Variants in PLEK observed in about 807,000 individuals in gnomAD.
PLEK encodes the protein platelet 47 kDa protein.
In PLEK, 25 loss-of-function variants were observed where a neutral mutation model predicts 43.9. That is an observed-to-expected ratio of 0.57 (90% CI 0.41 to 0.79). PLEK has a LOEUF of 0.79. Ranked by LOEUF, PLEK falls within the 30% of genes least tolerant of loss-of-function variation. PLEK has a pLI of 0.00. For missense variants in PLEK, 396 were observed against 413.3 expected (o/e 0.96, Z 0.36); for synonymous variants, 152 against 144.4 (o/e 1.05, Z -0.38).
chr2:68,385,489 A>C (rs1432349669), intron 4 of PLEK, among the ~76,000 whole-genome samples: 1 of 152,194 alleles, frequency 6.6e-6, no homozygotes, highest in Non-Finnish European at 1.5e-5. Context: ...CCTATTTAAA[A>C]ACTTAAAATG....
chr2:68,378,667 A>G (rs529243068), intron 1 of PLEK, among the ~76,000 whole-genome samples: 1 of 152,358 alleles, frequency 6.6e-6, no homozygotes, highest in East Asian at 1.9e-4. Context: ...AAGATACTTA[A>G]TAATACAACC....
rs74687442 is a variant in PLEK at position 68,383,190 on chromosome 2, T to G, written c.472+557T>G. ...CTTAGCCTCTCTGTGCTTCACTTTC[T>G]CTGTCTATTTAGTGGGGATAATCAC... On this transcript the variant is annotated intron_variant, in intron 4 of 8. Transcript: ENST00000234313. Among the ~76,000 whole-genome samples, 1,050 of 152,308 alleles carry G rather than the reference T, an allele frequency of 6.9e-3. 8 individuals carry two copies. Among genetic ancestry groups the G allele is most frequent in the African/African-American group, 0.024 (1,008 of 41,558 alleles).
intron 1 of PLEK, among the ~76,000 whole-genome samples, chr2:68,366,804 C>T (rs1253379830): frequency 6.6e-6 from 1 of 152,180 alleles, no homozygotes; most frequent in Non-Finnish European, 1.5e-5. Flanking sequence ...TTCCTGATCA[C>T]TTGTGCTAGT....
intron 1 of PLEK, among the ~76,000 whole-genome samples, chr2:68,375,653 C>A (rs1485569340): frequency 6.6e-6 from 1 of 152,212 alleles, no homozygotes; most frequent in East Asian, 1.9e-4. Flanking sequence ...AAGTATTTAT[C>A]TTTGCATAAA....
chr2:68,391,114 C>T (rs1673851022), intron 6 of PLEK, among the ~76,000 whole-genome samples: 1 of 152,210 alleles, frequency 6.6e-6, no homozygotes, highest in African/African-American at 2.4e-5. Context: ...AGTAACAATT[C>T]TTGGAAACCT....
chr2:68,368,614 T>C (rs1396090694), intron 1 of PLEK, among the ~76,000 whole-genome samples: 1 of 152,242 alleles, frequency 6.6e-6, no homozygotes, highest in African/African-American at 2.4e-5. Flanking sequence ...CTTTCCTCTC[T>C]GTTTAGGGGG....
In PLEK at chr2:68,394,301, G is replaced by T. The variant is rs149802615; in HGVS notation, c.916+125G>T. On this transcript the variant is annotated intron_variant, in intron 8 of 8. Coordinates refer to ENST00000234313, the MANE Select transcript of PLEK (RefSeq NM_002664.3). ...GATAAGCAGGAATGGGGCAGGCATG[G>T]TGGCTCCCACCTGTAATCCCGGCAC... The T allele has an allele frequency of 2.1e-4, 147 of 705,984 alleles. No individual in the cohort carries two copies. In the African/African-American group the frequency reaches 2.2e-3, roughly 11 times the overall value. The allele number at this position is 705,984 out of a possible 1,614,324, so 43.7% of individuals were successfully genotyped here.
intron 6 of PLEK, among the ~76,000 whole-genome samples, chr2:68,389,866 T>C (rs1209324506): frequency 1.3e-5 from 2 of 152,180 alleles, no homozygotes; most frequent in Non-Finnish European, 2.9e-5. Flanking sequence ...CCTGGCTCTT[T>C]GATTGCAGGT....
Position 68,397,126 on chromosome 2 carries a change from A to C in PLEK, c.*1310A>C, listed in dbSNP as rs1673975904. 1.3e-5 allele frequency: 2 copies of C among 152,290 alleles called. No homozygotes were observed. The highest frequency in any genetic ancestry group is 1.3e-4 in the Admixed American group (2 of 15,292). The allele number at this position is 152,290 out of a possible 1,614,324, so 9.4% of individuals were successfully genotyped here. ...AAATTGAGAAAGACAGCACCCATTG[A>C]AGCAGATATGTGTGTGAAAGTATAT... On this transcript the variant is annotated 3_prime_UTR_variant, in exon 9 of 9. Coordinates refer to ENST00000234313, the MANE Select transcript of PLEK (RefSeq NM_002664.3).
At chr2:68,392,707 T>C (rs1454240793) in intron 6 of PLEK, among the ~76,000 whole-genome samples, 1 of 152,246 alleles carries the variant, frequency 6.6e-6, no homozygotes, top group African/African-American at 2.4e-5. Context: ...GAGGCTTTCT[T>C]TGATATCCAA....
Position 68,386,596 on chromosome 2 carries a change from T to C in PLEK, c.567T>C (p.Tyr189=), listed in dbSNP as rs753734779. The part of the protein sequence containing the change: ...MIASSLLNEG[Y]LQPAGDMSKS... ...CTTCATCGCTGCTCAATGAGGGGTATCTGCAGCCTGCTGGAGACATGTCCA... is the reference window on the plus strand; with the variant it reads ...CTTCATCGCTGCTCAATGAGGGGTACCTGCAGCCTGCTGGAGACATGTCCA... The change falls in exon 5 of 9, where the codon TAT becomes TAC. Residue 189 remains tyrosine (Y), a synonymous_variant. Transcript: ENST00000234313. 1 of 1,613,950 alleles carries C rather than the reference T, an allele frequency of 6.2e-7. No homozygotes were observed. The highest frequency in any genetic ancestry group is 1.1e-5 in the South Asian group (1 of 91,082).
chr2:68,388,843 G>T (rs1366441310), intron 6 of PLEK, among the ~76,000 whole-genome samples: 1 of 152,116 alleles, frequency 6.6e-6, no homozygotes, highest in African/African-American at 2.4e-5. Flanking sequence ...CATTTTACCT[G>T]TCCCTCCTCC....
At chr2:68,381,231 G>C (rs1268263823) in intron 3 of PLEK, among the ~76,000 whole-genome samples, 1 of 152,152 alleles carries the variant, frequency 6.6e-6, no homozygotes, top group African/African-American at 2.4e-5. Flanking sequence ...AGGATCTTTA[G>C]GTAGAAAGGA....
At chr2:68,378,129 CTT>C (rs1164908071) in intron 1 of PLEK, among the ~76,000 whole-genome samples, 1 of 152,078 alleles carries the variant, frequency 6.6e-6, no homozygotes, top group Non-Finnish European at 1.5e-5. Context: ...GCATTATACA[CTT>C]ATATATACAT....
At chr2:68,384,016 G>T (rs897110810) in intron 4 of PLEK, among the ~76,000 whole-genome samples, 1 of 152,100 alleles carries the variant, frequency 6.6e-6, no homozygotes, top group African/African-American at 2.4e-5. Context: ...TATCAGGACC[G>T]AGGTCACTGC....
chr2:68,372,467 C>T lies in PLEK; in HGVS notation c.42+7074C>T, dbSNP rs564731570. 9.2e-5 allele frequency among the ~76,000 whole-genome samples: 14 copies of T among 152,038 alleles called. No homozygotes were observed. In the South Asian group the frequency reaches 1.5e-3, roughly 16 times the overall value. On this transcript the variant is annotated intron_variant, in intron 1 of 8. Transcript: ENST00000234313. ...CTGGGATTACAGGCATGAGCCACTG[C>T]GCCCAGCCGAGAAGTTTATTTTTAA...
At position 68,371,789 on chromosome 2, in the gene PLEK, C is replaced by T. The variant is rs117566804; in HGVS notation, c.42+6396C>T. Among the ~76,000 whole-genome samples the T allele has an allele frequency of 2.3e-3, 315 of 135,400 alleles. 3 individuals are homozygous for T. The East Asian group carries it at 0.085, about 37-fold the overall frequency. 88.8% of individuals were successfully genotyped at this position (135,400 alleles called of 152,430 possible). ...TACACTTCTCTGTATACAACCACAA[C>T]GAGTTTAGTTTTTTTTTGACAGCCC... On this transcript the variant is annotated intron_variant, in intron 1 of 8. Transcript: ENST00000234313.
At chr2:68,383,987 C>T (rs1391320907) in intron 4 of PLEK, among the ~76,000 whole-genome samples, 2 of 152,058 alleles carry the variant, frequency 1.3e-5, no homozygotes, top group Non-Finnish European at 2.9e-5. Flanking sequence ...GTGACAAGAA[C>T]AAGGGAAGTT....
At chr2:68,386,452 CTTGTTCTTCGGTAAGGA>C (rs1673744349) in intron 4 of PLEK, 33 bp from the exon 5 acceptor site, 1 of 1,465,082 alleles carries the variant, frequency 6.8e-7, no homozygotes, top group East Asian at 2.3e-5. Flanking sequence ...TTGTCAGGGG[CTTGTTCTTCGGTAAGGA>C]GAGTTAACCT....
Sources: gnomAD v4.1 joint callset for allele counts (sites outside exome capture counted in the v4.1 genomes callset) on GRCh38, gnomAD v4.1.1 for gene constraint, MANE v1.5 for transcripts, NCBI Gene and HGNC (gene_info 2026-07-23, HGNC 2026-07-21) for gene names.